Variants in SCARF2 observed in about 807,000 individuals in gnomAD.
SCARF2 encodes the protein scavenger receptor expressed by endothelial cells 2 protein.
A neutral mutation model predicts 73.4 loss-of-function variants in SCARF2; 39 were observed. The observed-to-expected ratio is 0.53, with a 90% CI of 0.41 to 0.69. The LOEUF is 0.69. Ranked by LOEUF, SCARF2 falls within the 30% of genes least tolerant of loss-of-function variation. The probability of loss-of-function intolerance (pLI) is 0.00; values close to 1 mark genes in which losing one functional copy is unlikely to be tolerated. For missense variants in SCARF2, 1,148 were observed against 1,303.5 expected, an observed-to-expected ratio of 0.88 and a Z score of 1.84; for synonymous variants, 605 against 590.0, an observed-to-expected ratio of 1.03 and a Z score of -0.37.
intron 9 of SCARF2, among the ~76,000 whole-genome samples, chr22:20,428,723 G>T (rs12628455): frequency 2.6e-5 from 4 of 152,166 alleles, no homozygotes; most frequent in Non-Finnish European, 5.9e-5. Context: ...GTGCAAGTCA[G>T]CATGGAGAGA....
intron 3 of SCARF2, 23 bp from the exon 4 acceptor site, chr22:20,431,560 G>T (rs1258010250): frequency 5.1e-6 from 8 of 1,558,916 alleles, no homozygotes; most frequent in African/African-American, 1.4e-5. Flanking sequence ...AGCGGAGGGG[G>T]TGGAAGGCCC....
chr22:20,435,073 AT>A (rs1392160414), intron 1 of SCARF2, among the ~76,000 whole-genome samples: 1 of 152,150 alleles, frequency 6.6e-6, no homozygotes, highest in Non-Finnish European at 1.5e-5. Context: ...CCAATAGATG[AT>A]GTCACCAGAA....
At chr22:20,427,649 C>G in intron 9 of SCARF2, 99 bp from the exon 10 acceptor site, 2 of 1,426,820 alleles carry the variant, frequency 1.4e-6, no homozygotes, top group Middle Eastern at 2.5e-4. Context: ...GTGACCAAGA[C>G]CAGCCCTATT....
chr22:20,429,899 T>A lies in SCARF2; in HGVS notation c.1203-66A>T, dbSNP rs1009735438. 2.0e-6 allele frequency: 3 copies of A among 1,503,728 alleles called. No homozygotes were observed. The highest frequency in any genetic ancestry group is 2.7e-6 in the Non-Finnish European group (3 of 1,104,700). 93.1% of individuals were successfully genotyped at this position (1,503,728 alleles called of 1,614,324 possible). A position where few individuals can be genotyped will look rare whatever the true frequency, so the allele number is the denominator to read the frequency against. The stretch of plus-strand genomic sequence containing the variant: ...CTAGGATGCCCCCTACCCTCACCCC[T>A]CACCCGCGGCCAGGGCCCAGGGTCC... On this transcript the variant is annotated intron_variant, in intron 6 of 10. Coordinates refer to ENST00000622235, the MANE Select transcript of SCARF2 (RefSeq NM_182895.5). The surrounding 1 kb of genome is among the most constrained non-coding windows in gnomAD (Gnocchi z 5.2).
At position 20,430,539 on chromosome 22, in the gene SCARF2, G is replaced by A. The variant is rs543512096; in HGVS notation, c.1092C>T (p.Ser364=). ...CGCAGTCCTCGCCGTAAGTGCCATT[G>A]CTACACTTGGTCTCGCACCTTGGAA... is the stretch of plus-strand genomic sequence containing the variant. ...WIGDRCETKC[S]NGTYGEDCAF... is the part of the protein sequence containing the mutation. Residue 364 remains serine (S), a synonymous_variant, in exon 6 of 11, where the codon AGC becomes AGT. Coordinates refer to ENST00000622235, the MANE Select transcript of SCARF2 (RefSeq NM_182895.5). The A allele has an allele frequency of 1.4e-5, 22 of 1,611,072 alleles. No homozygotes were observed. In the East Asian group the frequency reaches 1.6e-4, roughly 11 times the overall value.
At chr22:20,432,415 G>A (rs941562678) in intron 1 of SCARF2, among the ~76,000 whole-genome samples, 1 of 152,222 alleles carries the variant, frequency 6.6e-6, no homozygotes, top group Non-Finnish European at 1.5e-5. Flanking sequence ...GTCATGTGAT[G>A]TGACATGATG....
At chr22:20,426,764 T>C (rs1391629158) in intron 10 of SCARF2, among the ~76,000 whole-genome samples, 1 of 151,926 alleles carries the variant, frequency 6.6e-6, no homozygotes. Context: ...CTGTCTCTAC[T>C]AAAAATACAA....
rs1017584035 is a variant in SCARF2 at position 20,432,620 on chromosome 22, G to A, written c.174-632C>T. ...CACCCAGCCACTAGGGAAGGAGCAG[G>A]CACATGGGGAGTCCTCCACGTGCAG... On this transcript the variant is annotated intron_variant, in intron 1 of 10. Transcript: ENST00000622235. 3.3e-5 allele frequency among the ~76,000 whole-genome samples: 5 copies of A among 152,198 alleles called. No individual in the cohort carries two copies. The South Asian group carries it at 1.0e-3, about 31-fold the overall frequency.
chr22:20,431,353 C>T lies in SCARF2; in HGVS notation c.519G>A (p.Glu173=). 6.6e-7 allele frequency: 1 copy of T among 1,513,856 alleles called. No individual in the cohort carries two copies. The highest frequency in any genetic ancestry group is 1.8e-4 in the Middle Eastern group (1 of 5,528). 93.8% of individuals were successfully genotyped at this position (1,513,856 alleles called of 1,614,324 possible). ...CGCACTGCGCGCCCCACCAGCCGGG[C>T]TCACAGCGGCACGCGCCGCTCCGCG... ...CHPRSGACRC[E]PGWWGAQCAS... is the part of the protein sequence containing the mutation. Residue 173 remains glutamate, a synonymous_variant, in exon 4 of 11, where the codon GAG becomes GAA. Transcript: ENST00000622235.
Position 20,426,045 on chromosome 22 carries a change from G to C in SCARF2, c.1931C>G (p.Ser644Trp), listed in dbSNP as rs1601294346. 6.3e-7 allele frequency: 1 copy of C among 1,575,680 alleles called. No homozygotes were observed. The highest frequency in any genetic ancestry group is 2.4e-5 in the East Asian group (1 of 41,788). Reference protein sequence around the residue: ...ARARGEIGGLSLSPSPERRKP... With the variant: ...ARARGEIGGLWLSPSPERRKP... ...CCTGCGCTCGGGCGATGGCGACAGC[G>C]ACAGGCCCCCAATCTCGCCCCGGGC... Residue 644 changes from serine to tryptophan, a missense_variant, in exon 11 of 11, where the codon TCG becomes TGG. Coordinates refer to ENST00000622235, the MANE Select transcript of SCARF2 (RefSeq NM_182895.5).
intron 10 of SCARF2, 37 bp downstream of exon 10, chr22:20,427,361 C>G: frequency 6.2e-7 from 1 of 1,612,760 alleles, no homozygotes; most frequent in Non-Finnish European, 8.5e-7. Flanking sequence ...GAACATTTCA[C>G]TGGGCTGGAG....
In SCARF2 at chr22:20,425,596, TG is replaced by T; in HGVS notation, c.2379del (p.Arg794GlyfsTer145). On this transcript the variant is annotated frameshift_variant, in exon 11 of 11. Coordinates refer to ENST00000622235, the MANE Select transcript of SCARF2 (RefSeq NM_182895.5). LOFTEE classifies it high-confidence loss of function. This position sits in a 1 kb window ranked among gnomAD's most constrained non-coding sequence, Gnocchi z 4.6. ...RAEVALGAQGPREKPAPPQKA... is the reference protein window; with the variant it reads ...RAEVALGAQGXREKPAPPQKA... ...TTCTGTGGGGGCGCCGGCTTTTCCC[TG>T]GGGCCCTGCGCGCCCAGGGCCACCT... is the stretch of plus-strand genomic sequence containing the variant. The T allele has an allele frequency of 2.2e-6, 3 of 1,336,866 alleles. No individual in the cohort carries two copies. Among genetic ancestry groups the T allele is most frequent in the Non-Finnish European group, 2.9e-6 (3 of 1,047,464 alleles). The allele number at this position is 1,336,866 out of a possible 1,614,324, so 82.8% of individuals were successfully genotyped here. A position where few individuals can be genotyped will look rare whatever the true frequency, so the allele number is the denominator to read the frequency against.
rs1431019158 is a variant in SCARF2 at position 20,425,835 on chromosome 22, G to A, written c.2141C>T (p.Pro714Leu). The change falls in exon 11 of 11, where the codon CCC (proline) becomes CTC (leucine). Residue 714 changes from proline to leucine, a missense_variant. Pro to Leu is a moderately conservative substitution (Grantham distance 98, BLOSUM62 -3). This residue lies in a region of SCARF2 where 437 missense variants were observed against 433.6 expected (regional missense o/e 1.01). Coordinates refer to ENST00000622235, the MANE Select transcript of SCARF2 (RefSeq NM_182895.5). This position sits in a 1 kb window ranked among gnomAD's most constrained non-coding sequence, Gnocchi z 4.6. Reference protein sequence around the residue: ...KSAHTVEHGSPRTRDPTPRPP... With the variant: ...KSAHTVEHGSLRTRDPTPRPP... ...CCGCGGCGTTGGGTCGCGGGTCCGG[G>A]GGCTGCCGTGTTCGACCGTATGCGC... The A allele has an allele frequency of 1.3e-6, 2 of 1,576,244 alleles. No homozygotes were observed. Among genetic ancestry groups the A allele is most frequent in the Non-Finnish European group, 1.7e-6 (2 of 1,166,870 alleles).
chr22:20,434,100 A>G (rs954135150), intron 1 of SCARF2, among the ~76,000 whole-genome samples: 5 of 152,206 alleles, frequency 3.3e-5, no homozygotes, highest in African/African-American at 1.2e-4. Flanking sequence ...TTAGCTATAT[A>G]GTAGGGCTCT....
Position 20,425,275 on chromosome 22 carries a change from G to T in SCARF2, c.*100C>A. 9.5e-7 allele frequency: 1 copy of T among 1,055,178 alleles called. No individual in the cohort carries two copies. Among genetic ancestry groups the T allele is most frequent in the South Asian group, 2.7e-5 (1 of 37,322 alleles). The allele number at this position is 1,055,178 out of a possible 1,614,324, so 65.4% of individuals were successfully genotyped here. A position where few individuals can be genotyped will look rare whatever the true frequency, so the allele number is the denominator to read the frequency against. ...AACCTCCGCTAGCCGCGCGGTGCCC[G>T]GCCAATAGGAGGCCGCCCGTGCCCG... On this transcript the variant is annotated 3_prime_UTR_variant, in exon 11 of 11. Coordinates refer to ENST00000622235, the MANE Select transcript of SCARF2 (RefSeq NM_182895.5). This position sits in a 1 kb window ranked among gnomAD's most constrained non-coding sequence, Gnocchi z 4.6.
In SCARF2 at chr22:20,425,088, C is replaced by G. The variant is rs1341373703; in HGVS notation, c.*287G>C. 3 of 366,344 alleles carry G rather than the reference C, an allele frequency of 8.2e-6. No individual in the cohort carries two copies. Among genetic ancestry groups the G allele is most frequent in the African/African-American group, 6.3e-5 (3 of 47,750 alleles). 22.7% of individuals were successfully genotyped at this position (366,344 alleles called of 1,614,324 possible). A position where few individuals can be genotyped will look rare whatever the true frequency, so the allele number is the denominator to read the frequency against. On this transcript the variant is annotated 3_prime_UTR_variant, in exon 11 of 11. Transcript: ENST00000622235. This position sits in a 1 kb window ranked among gnomAD's most constrained non-coding sequence, Gnocchi z 4.6. Reference sequence around the variant, plus strand: ...TTAAGCGGAACCCTCCCATCTTTGGCCAATGAGACGCTGTCTGGTCGGAGC... The same window carrying G: ...TTAAGCGGAACCCTCCCATCTTTGGGCAATGAGACGCTGTCTGGTCGGAGC...
chr22:20,431,152 G>A lies in SCARF2; in HGVS notation c.720C>T (p.Cys240=), dbSNP rs577769266. The change falls in exon 4 of 11, where the codon TGC becomes TGT. Residue 240 remains cysteine (C), a synonymous_variant. Coordinates refer to ENST00000622235, the MANE Select transcript of SCARF2 (RefSeq NM_182895.5). Reference sequence around the variant, plus strand: ...CGCGGAAGCACTGGCAGTAGCGATCGCAGCGCGCGCCGAACGTACGCTCGC... The same window carrying A: ...CGCGGAAGCACTGGCAGTAGCGATCACAGCGCGCGCCGAACGTACGCTCGC... ...QCRERTFGAR[C]DRYCQCFRGR... 90 of 1,567,740 alleles carry A rather than the reference G, an allele frequency of 5.7e-5. 1 individual carries two copies. In the South Asian group the frequency reaches 9.8e-4, roughly 17 times the overall value.
intron 10 of SCARF2, among the ~76,000 whole-genome samples, chr22:20,426,625 T>C (rs1473351771): frequency 6.6e-6 from 1 of 152,218 alleles, no homozygotes; most frequent in Non-Finnish European, 1.5e-5. Flanking sequence ...AGGGGTTCCA[T>C]TATCCTTCTT....
intron 10 of SCARF2, among the ~76,000 whole-genome samples, chr22:20,426,709 C>T (rs2146121834): frequency 6.6e-6 from 1 of 152,252 alleles, no homozygotes; most frequent in African/African-American, 2.4e-5. Context: ...CTGCGGTCAC[C>T]TGAGGTCAGG....
Sources: gnomAD v4.1 joint callset for allele counts (sites outside exome capture counted in the v4.1 genomes callset) on GRCh38, gnomAD v4.1.1 for gene constraint, gnomAD v4.1.1 regional missense constraint, Gnocchi (gnomAD v3.1) non-coding constraint, MANE v1.5 for transcripts, NCBI Gene and HGNC (gene_info 2026-07-23, HGNC 2026-07-21) for gene names.